KIF1B: variants seen among roughly 807,000 people sequenced by gnomAD.
KIF1B encodes kinesin-like protein KIF1B.
In KIF1B, 76 loss-of-function variants were observed where a neutral mutation model predicts 241.9. The observed-to-expected ratio is 0.31, with a 90% CI of 0.26 to 0.38. The LOEUF is 0.38. Among genes scored for constraint, KIF1B ranks in the 10% least tolerant of loss-of-function variants. The pLI, the probability that KIF1B is intolerant of heterozygous loss-of-function variation, is 1.00. For synonymous variants in KIF1B, 750 were observed against 796.7 expected (o/e 0.94, Z 0.99); for missense variants, 1,622 against 2,271.4 (o/e 0.71, Z 5.81).
intron 2 of KIF1B, among the ~76,000 whole-genome samples, chr1:10,241,509 G>T (rs1353856696): frequency 6.6e-6 from 1 of 152,028 alleles, no homozygotes; most frequent in Non-Finnish European, 1.5e-5. Context: ...TTGTGTATTC[G>T]GAGTTTCTTT....
chr1:10,245,203 A>G (rs1294107280), intron 2 of KIF1B, among the ~76,000 whole-genome samples: 1 of 152,180 alleles, frequency 6.6e-6, no homozygotes, highest in East Asian at 1.9e-4. Context: ...GGGCTCAGTA[A>G]TTAAAGTGTT....
At chr1:10,215,797 C>G (rs75416580) in intron 1 of KIF1B, among the ~76,000 whole-genome samples, 2,617 of 152,210 alleles carry the variant, frequency 0.017, 86 homozygotes, top group African/African-American at 0.06. Context: ...AAGTGATCCA[C>G]CTCAGTCTTC....
At chr1:10,315,134 A>G (rs1157462326) in intron 22 of KIF1B, among the ~76,000 whole-genome samples, 1 of 150,224 alleles carries the variant, frequency 6.7e-6, no homozygotes, top group Non-Finnish European at 1.5e-5. Context: ...GTTTACCCCA[A>G]ATACTTCCAT....
chr1:10,250,052 C>A (rs986856016), intron 2 of KIF1B, among the ~76,000 whole-genome samples: 5 of 152,020 alleles, frequency 3.3e-5, no homozygotes, highest in Admixed American at 3.3e-4. Flanking sequence ...CTCAGATGAT[C>A]CTCCCACCTT....
Position 10,273,027 on chromosome 1 carries a change from G to A in KIF1B, c.878G>A (p.Ser293Asn). 6.5e-6 allele frequency: 10 copies of A among 1,545,840 alleles called. No individual in the cohort carries two copies. The highest frequency in any genetic ancestry group is 8.7e-6 in the Non-Finnish European group (10 of 1,143,046). The change falls in exon 10 of 49, where the codon AGC becomes AAC. Residue 293 changes from serine (S) to asparagine (N), a missense_variant. Around this residue, in one of 7 missense-constraint regions of KIF1B, gnomAD observed 201 missense variants for 301.2 expected, o/e 0.67. Coordinates refer to ENST00000676179, the MANE Select transcript of KIF1B (RefSeq NM_001365951.3). ...TTTCACCTGTAGGATAACTGCACTA[G>A]CAAGGTACAGTGGGGATTGGTAGAG... ...SALAEVDNCT[S>N]KSKKKKKTDF...
intron 1 of KIF1B, among the ~76,000 whole-genome samples, chr1:10,220,204 CAAA>C (rs36083785): frequency 1.9e-5 from 2 of 105,744 alleles, no homozygotes; most frequent in Non-Finnish European, 3.9e-5. Context: ...AACTCCGTCT[CAAA>C]AAAAAAAAAA....
intron 27 of KIF1B, among the ~76,000 whole-genome samples, chr1:10,333,196 C>T (rs1166920843): frequency 1.3e-5 from 2 of 150,590 alleles, no homozygotes; most frequent in South Asian, 2.1e-4. Context: ...GAGGCCGAGG[C>T]GGGCAGATCA....
chr1:10,215,626 G>A (rs1373663616), intron 1 of KIF1B, among the ~76,000 whole-genome samples: 2 of 152,008 alleles, frequency 1.3e-5, no homozygotes, highest in Non-Finnish European at 2.9e-5. Context: ...GCTCACTGCA[G>A]CCTTGACCTC....
At chr1:10,332,036 C>T (rs1051511574) in intron 27 of KIF1B, among the ~76,000 whole-genome samples, 3 of 152,096 alleles carry the variant, frequency 2.0e-5, no homozygotes, top group African/African-American at 7.2e-5. Context: ...TAGGCATCAA[C>T]TGTCATCTTC....
At chr1:10,304,539 G>A in intron 22 of KIF1B, 3 of 1,614,068 alleles carry the variant, frequency 1.9e-6, no homozygotes, top group Non-Finnish European at 2.5e-6. Context: ...CTTCCTATCA[G>A]AAGCAGACTG....
chr1:10,252,641 T>C (rs1459640806), intron 2 of KIF1B, among the ~76,000 whole-genome samples: 1 of 151,628 alleles, frequency 6.6e-6, no homozygotes, highest in Non-Finnish European at 1.5e-5. Flanking sequence ...CAAATTCCTG[T>C]ACTCCAGCGA....
At chr1:10,262,594 G>A (rs900450592) in intron 5 of KIF1B, among the ~76,000 whole-genome samples, 45 of 152,130 alleles carry the variant, frequency 3.0e-4, no homozygotes, top group African/African-American at 1.1e-3. Context: ...CACACTAGGA[G>A]GGTGTAAGCA....
intron 5 of KIF1B, among the ~76,000 whole-genome samples, chr1:10,265,725 C>G (rs1648423554): frequency 1.3e-5 from 2 of 152,070 alleles, no homozygotes; most frequent in African/African-American, 4.8e-5. Flanking sequence ...TGGCACGTGC[C>G]TGTAGTCCCA....
rs1323372914 is a variant in KIF1B, at chr1:10,210,755, G to C, written c.-203G>C. 3.3e-5 allele frequency: 5 copies of C among 150,190 alleles called. No individual in the cohort carries two copies. Among genetic ancestry groups the C allele is most frequent in the Non-Finnish European group, 7.4e-5 (5 of 67,320 alleles). 9.3% of individuals were successfully genotyped at this position (150,190 alleles called of 1,614,324 possible). A position where few individuals can be genotyped will look rare whatever the true frequency, so the allele number is the denominator to read the frequency against. On this transcript the variant is annotated 5_prime_UTR_variant, in exon 1 of 49. Transcript: ENST00000676179. This position sits in a 1 kb window ranked among gnomAD's most constrained non-coding sequence, Gnocchi z 4.1. ...CTGCTGCGTGATGGGGCTGCGGAGC[G>C]GCGCCCTGCGGCTCGCGGCGGCCGC...
rs762407227 is a variant in KIF1B, at chr1:10,278,074, G to A, written c.1126G>A (p.Val376Met). The change falls in exon 13 of 49, where the codon GTG becomes ATG. Residue 376 changes from valine to methionine, a missense_variant. Coordinates refer to ENST00000676179, the MANE Select transcript of KIF1B (RefSeq NM_001365951.3). ...ACTGGTTCGTGAATTAAAGGAGGAG[G>A]TGACACGGCTGAAGGACCTTCTTCG... The part of the protein sequence containing the change: ...AKLVRELKEE[V>M]TRLKDLLRAQ... 1.9e-6 allele frequency: 3 copies of A among 1,613,954 alleles called. No homozygotes were observed. The highest frequency in any genetic ancestry group is 2.5e-6 in the Non-Finnish European group (3 of 1,179,968).
rs189620824 is a variant in KIF1B at position 10,333,417 on chromosome 1, C to T, written c.2925-1103C>T. On this transcript the variant is annotated intron_variant, in intron 27 of 48. Coordinates refer to ENST00000676179, the MANE Select transcript of KIF1B (RefSeq NM_001365951.3). ...TAACAATAAAGACCCATAGGCCAGG[C>T]GCGGTGGCTCACGCCTGTAATCCCA... 8.1e-3 allele frequency among the ~76,000 whole-genome samples: 1,234 copies of T among 151,932 alleles called. 13 individuals carry two copies. The highest frequency in any genetic ancestry group is 0.028 in the African/African-American group (1,165 of 41,436).
At position 10,281,563 on chromosome 1, in the gene KIF1B, G is replaced by A. The variant is rs367812248; in HGVS notation, c.1223-759G>A. On this transcript the variant is annotated intron_variant, in intron 14 of 48. Coordinates refer to ENST00000676179, the MANE Select transcript of KIF1B (RefSeq NM_001365951.3). ...TAGGCTAATTAAGGGCCTTAAATTA[G>A]CAAATAATCAGCCTTATTTTTTGCT... is the stretch of plus-strand genomic sequence containing the variant. Among the ~76,000 whole-genome samples the A allele has an allele frequency of 3.9e-5, 6 of 152,242 alleles. No homozygotes were observed. In the South Asian group the frequency reaches 1.2e-3, roughly 32 times the overall value.
chr1:10,316,501 T>A (rs1422527268), intron 22 of KIF1B, among the ~76,000 whole-genome samples: 2 of 151,550 alleles, frequency 1.3e-5, no homozygotes, highest in African/African-American at 4.9e-5. Flanking sequence ...TGTTTGTTGC[T>A]ATTGTTGTTG....
At chr1:10,320,007 C>T (rs1234943835) in intron 22 of KIF1B, 36 bp from the exon 23 acceptor site, 2 of 1,376,892 alleles carry the variant, frequency 1.5e-6, no homozygotes, top group Admixed American at 3.4e-5. Context: ...TTATTTCTTC[C>T]CTCTCCTACA....
Sources: gnomAD v4.1 joint callset for allele counts (sites outside exome capture counted in the v4.1 genomes callset) on GRCh38, gnomAD v4.1.1 for gene constraint, gnomAD v4.1.1 regional missense constraint, Gnocchi (gnomAD v3.1) non-coding constraint, MANE v1.5 for transcripts, NCBI Gene and HGNC (gene_info 2026-07-23, HGNC 2026-07-21) for gene names.